The following LMF1 variants were observed in gnomAD, a reference collection of about 807,000 sequenced individuals.
The protein encoded by LMF1 is lipase maturation factor 1.
LMF1 carries 68 observed loss-of-function variants against 60.6 expected under a neutral mutation model. The ratio of observed to expected loss-of-function variants is 1.12; its 90% CI spans 0.92 to 1.37. The LOEUF is 1.37. Ranked by LOEUF, LMF1 falls within the 40% of genes most tolerant of loss-of-function variation. LMF1 has a pLI of 0.00. For missense variants in LMF1, 948 were observed against 767.2 expected (o/e 1.24, Z -2.78); for synonymous variants, 418 against 324.7 (o/e 1.29, Z -3.09).
intron 6 of LMF1, chr16:872,329 A>G (rs1180788196): frequency 6.6e-6 from 1 of 152,196 alleles, no homozygotes; most frequent in Non-Finnish European, 1.5e-5. Flanking sequence ...GGGCAGGGAC[A>G]TCGACGTCTA....
chr16:863,546 C>T (rs187108166), intron 10 of LMF1, among the ~76,000 whole-genome samples: 1 of 152,294 alleles, frequency 6.6e-6, no homozygotes, highest in East Asian at 1.9e-4. Flanking sequence ...CTCTTTGTTT[C>T]AATAAGTTTC....
chr16:925,176 C>T (rs2071559584), intron 3 of LMF1, among the ~76,000 whole-genome samples: 1 of 152,204 alleles, frequency 6.6e-6, no homozygotes, highest in Non-Finnish European at 1.5e-5. Context: ...GAATGAAGAG[C>T]AGATGCCACC....
rs1264860590 is a variant in LMF1 at position 970,935 on chromosome 16, T to A, written c.46A>T (p.Arg16Trp). ...TCCGAGTACCCAGTCTTCCGCCTCC[T>A]CAGCGACTCCGCGGGCGCCGCCATT... ...PTMAAPAESL[R>W]RRKTGYSDPE... is the part of the protein sequence containing the mutation. The change falls in exon 1 of 11, where the codon AGG becomes TGG. Residue 16 changes from arginine to tryptophan, a missense_variant. Transcript: ENST00000262301. The A allele has an allele frequency of 2.6e-6, 4 of 1,560,862 alleles. No individual in the cohort carries two copies. In the South Asian group the frequency reaches 4.6e-5, roughly 18 times the overall value.
intron 3 of LMF1, among the ~76,000 whole-genome samples, chr16:932,697 G>C (rs535427655): frequency 5.3e-5 from 8 of 152,230 alleles, no homozygotes; most frequent in African/African-American, 1.7e-4. Flanking sequence ...TAAGATTATA[G>C]GCATAAGCCA....
At chr16:896,636 C>G (rs866582047) in intron 4 of LMF1, among the ~76,000 whole-genome samples, 1 of 152,310 alleles carries the variant, frequency 6.6e-6, no homozygotes, top group South Asian at 2.1e-4. Flanking sequence ...CCCAGGGGAG[C>G]TGCTGCTTCT....
At chr16:914,655 C>G (rs201093070) in intron 3 of LMF1, among the ~76,000 whole-genome samples, 859 of 55,268 alleles carry the variant, frequency 0.016, no homozygotes, top group Middle Eastern at 0.047. Context: ...CTCCTCATGA[C>G]CATTGGTGAC....
upstream of LMF1, among the ~76,000 whole-genome samples, chr16:972,769 C>T (rs1034307871): frequency 1.3e-5 from 2 of 152,252 alleles, no homozygotes; most frequent in African/African-American, 2.4e-5. Flanking sequence ...AGAAAAGGGC[C>T]TCTTGTTCCA....
intron 4 of LMF1, among the ~76,000 whole-genome samples, chr16:909,760 C>G (rs370185230): frequency 1.3e-5 from 2 of 152,212 alleles, no homozygotes; most frequent in Non-Finnish European, 2.9e-5. Context: ...GCCCAGCACT[C>G]GGGCCCCTGC....
intron 9 of LMF1, chr16:869,289 C>G (rs2151698578): frequency 1.5e-6 from 1 of 673,680 alleles, no homozygotes. Flanking sequence ...TGGCTGGGTG[C>G]CTTGGAGCCT....
At chr16:956,680 C>CTT (rs1252388503) in intron 1 of LMF1, among the ~76,000 whole-genome samples, 5 of 150,970 alleles carry the variant, frequency 3.3e-5, no homozygotes, top group Admixed American at 1.3e-4. Flanking sequence ...CCTGTCTCTA[C>CTT]TAAAAATACA....
intron 2 of LMF1, among the ~76,000 whole-genome samples, chr16:943,158 T>G (rs1487307368): frequency 6.8e-6 from 1 of 147,580 alleles, no homozygotes; most frequent in South Asian, 2.2e-4. Context: ...GATCACAAGG[T>G]CAGGAGATCG....
chr16:871,492 C>T, intron 6 of LMF1, 151 bp from the exon 7 acceptor site: 1 of 747,156 alleles, frequency 1.3e-6, no homozygotes, highest in Middle Eastern at 3.9e-4. Context: ...CAACTGAAAC[C>T]CAGCTGTGCC....
chr16:859,518 G>A (rs1403532568), intron 10 of LMF1, among the ~76,000 whole-genome samples: 2 of 79,638 alleles, frequency 2.5e-5, no homozygotes, highest in Admixed American at 1.0e-4. Context: ...GTGTTGTCAC[G>A]GGACGGGTGT....
chr16:974,940 G>A (rs942000116), upstream of LMF1, among the ~76,000 whole-genome samples: 8 of 152,220 alleles, frequency 5.3e-5, no homozygotes, highest in Non-Finnish European at 1.2e-4. Context: ...CAGGACCCGT[G>A]GATGCTAACA....
chr16:933,295 T>C (rs113161097), intron 3 of LMF1: 11,077 of 152,312 alleles, frequency 0.073, 464 homozygotes, highest in Non-Finnish European at 0.092. Context: ...GTATTTACGT[T>C]TTAACAGATT....
intron 4 of LMF1, among the ~76,000 whole-genome samples, chr16:908,624 C>T (rs1250468969): frequency 1.3e-5 from 2 of 152,220 alleles, no homozygotes; most frequent in Non-Finnish European, 2.9e-5. Flanking sequence ...CCAGTGCCCT[C>T]CCCAGACACC....
chr16:946,398 C>A (rs532342805), intron 2 of LMF1, among the ~76,000 whole-genome samples: 4 of 152,192 alleles, frequency 2.6e-5, no homozygotes, highest in Non-Finnish European at 5.9e-5. Context: ...CAGAAGGAAG[C>A]GCTTCTCCCA....
chr16:869,157 C>T (rs910416858), intron 9 of LMF1, 101 bp from the exon 10 acceptor site: 1 of 833,072 alleles, frequency 1.2e-6, no homozygotes, highest in African/African-American at 1.7e-5. Flanking sequence ...CTGAGGCTTT[C>T]CTGGAGGTGG....
chr16:964,174 T>G, intron 1 of LMF1: 3 of 453,554 alleles, frequency 6.6e-6, no homozygotes, highest in South Asian at 4.6e-5. Context: ...CCTGTGCCCG[T>G]AGCCCCAGCT....
Sources: allele counts gnomAD v4.1 joint callset (sites outside exome capture counted in the v4.1 genomes callset), GRCh38; gene constraint gnomAD v4.1.1; transcripts MANE v1.5; gene names NCBI Gene and HGNC (gene_info 2026-07-23, HGNC 2026-07-21).